The following COL7A1 variants were observed in gnomAD, a reference collection of about 807,000 sequenced individuals.
COL7A1 encodes the protein collagen type VII alpha 1 chain.
COL7A1 carries 296 observed loss-of-function variants against 456.2 expected under a neutral mutation model. The ratio of observed to expected loss-of-function variants is 0.65; its 90% CI spans 0.59 to 0.71. COL7A1 has a LOEUF of 0.71. Among genes scored for constraint, COL7A1 ranks in the 30% least tolerant of loss-of-function variants. The pLI is 0.00. For missense variants in COL7A1, 3,441 were observed against 4,017.2 expected, an observed-to-expected ratio of 0.86 and a Z score of 3.88; for synonymous variants, 1,464 against 1,525.9, an observed-to-expected ratio of 0.96 and a Z score of 0.95.
rs2044465206 is a variant in COL7A1, at chr3:48,578,275, G to A, written c.5532+46C>T. 1 of 1,610,598 alleles carries A rather than the reference G, an allele frequency of 6.2e-7. No individual in the cohort carries two copies. The highest frequency in any genetic ancestry group is 2.2e-4 in the Middle Eastern group (1 of 4,450). On this transcript the variant is annotated intron_variant, in intron 65 of 118. Coordinates refer to ENST00000681320, the MANE Select transcript of COL7A1 (RefSeq NM_000094.4). This position sits in a 1 kb window ranked among gnomAD's most constrained non-coding sequence, Gnocchi z 4.7. ...CAGATCTTGGCTGTGTAGGTGTGCT[G>A]GCGTTTCTTGGCAGGTTTCGCCGCA...
Position 48,574,365 on chromosome 3 carries a change from A to G in COL7A1, c.6457-59T>C. The stretch of plus-strand genomic sequence containing the variant: ...AGTTCCAACTTCCCCTCCACCCACC[A>G]TCCCCCTAGACAGAGTCAGGACCCA... On this transcript the variant is annotated intron_variant, in intron 79 of 118. Transcript: ENST00000681320. This position sits in a 1 kb window ranked among gnomAD's most constrained non-coding sequence, Gnocchi z 5.0. The G allele has an allele frequency of 6.2e-7, 1 of 1,613,220 alleles. No individual in the cohort carries two copies. Among genetic ancestry groups the G allele is most frequent in the Non-Finnish European group, 8.5e-7 (1 of 1,179,330 alleles).
rs780868464 is a variant in COL7A1 at position 48,583,602 on chromosome 3, T to A, written c.4355A>T (p.Asp1452Val). 2.5e-6 allele frequency: 4 copies of A among 1,613,828 alleles called. No homozygotes were observed. In the East Asian group the frequency reaches 8.9e-5, roughly 36 times the overall value. ...GKKGEKGDSE[D>V]GAPGLPGQPG... ...TTGTCCTGGGAGGCCTGGAGCTCCA[T>A]CCTCAGAGTCACCCTGAAGGAGAAA... The change falls in exon 41 of 119, where the codon GAT (aspartate) becomes GTT (valine). Residue 1452 changes from aspartate (D) to valine (V), a missense_variant. By Grantham distance (152) the Asp-to-Val change is radical (BLOSUM62 -3). This residue lies in a region of COL7A1 where 2,084 missense variants were observed against 2,501.3 expected (regional missense o/e 0.83). Coordinates refer to ENST00000681320, the MANE Select transcript of COL7A1 (RefSeq NM_000094.4). This position sits in a 1 kb window ranked among gnomAD's most constrained non-coding sequence, Gnocchi z 5.1.
At position 48,586,927 on chromosome 3, in the gene COL7A1, G is replaced by C; in HGVS notation, c.3276+45C>G. 1 of 1,562,420 alleles carries C rather than the reference G, an allele frequency of 6.4e-7. No individual in the cohort carries two copies. The highest frequency in any genetic ancestry group is 8.7e-7 in the Non-Finnish European group (1 of 1,153,206). On this transcript the variant is annotated intron_variant, in intron 25 of 118. Transcript: ENST00000681320. The surrounding 1 kb of genome is among the most constrained non-coding windows in gnomAD (Gnocchi z 5.1). ...TGGTAACTGGTATGGAGCCTGGGTG[G>C]GGGGCCTCAGGGAGAGGTAGAATCT...
chr3:48,592,444 T>C lies in COL7A1; in HGVS notation c.1000A>G (p.Thr334Ala). Residue 334 changes from threonine (T) to alanine (A), a missense_variant, in exon 9 of 119, where the codon ACC (threonine) becomes GCC (alanine). Thr to Ala is a moderately conservative substitution (Grantham distance 58). Around this residue, in one of 3 missense-constraint regions of COL7A1, gnomAD observed 913 missense variants for 1,088.2 expected, o/e 0.84. Coordinates refer to ENST00000681320, the MANE Select transcript of COL7A1 (RefSeq NM_000094.4). The surrounding 1 kb of genome is among the most constrained non-coding windows in gnomAD (Gnocchi z 7.6). The part of the protein sequence containing the change: ...RTTALEGPEL[T>A]IQNTTAHSLL... Reference sequence around the variant, plus strand: ...CTGTGGGCTGTGGTATTCTGGATGGTCAGTTCCGGCCCTTCTAGGGCAGCT... The same window carrying C: ...CTGTGGGCTGTGGTATTCTGGATGGCCAGTTCCGGCCCTTCTAGGGCAGCT... The C allele has an allele frequency of 6.2e-7, 1 of 1,613,640 alleles. No homozygotes were observed. The highest frequency in any genetic ancestry group is 1.1e-5 in the South Asian group (1 of 91,060).
chr3:48,582,325 C>G lies in COL7A1; in HGVS notation c.4633G>C (p.Val1545Leu). Reference protein sequence around the residue: ...EPGRPGDPAVVGPAVAGPKGE... With the variant: ...EPGRPGDPAVLGPAVAGPKGE... Reference sequence around the variant, plus strand: ...AGCGCCATCCTCCCGTCACTCACCACCACTGCAGGGTCCCCAGGGCGACCA... The same window carrying G: ...AGCGCCATCCTCCCGTCACTCACCAGCACTGCAGGGTCCCCAGGGCGACCA... The change falls in exon 47 of 119, where the codon GTG becomes CTG. Residue 1545 changes from valine to leucine, a missense_variant and splice_region_variant. Physicochemically the swap from Val to Leu is conservative, Grantham distance 32. Around this residue, in one of 3 missense-constraint regions of COL7A1, gnomAD observed 2,084 missense variants for 2,501.3 expected, o/e 0.83. Transcript: ENST00000681320. The G allele has an allele frequency of 6.2e-7, 1 of 1,614,026 alleles. No homozygotes were observed. Among genetic ancestry groups the G allele is most frequent in the Non-Finnish European group, 8.5e-7 (1 of 1,179,996 alleles).
In COL7A1 at chr3:48,572,976, C is replaced by T. The variant is rs201437522; in HGVS notation, c.6751-34G>A. ...GAAGAGCTCTGTCAGGGCTGCCTGT[C>T]GACCCTTGACCCCTGGAGCCCAACC... On this transcript the variant is annotated intron_variant, in intron 86 of 118. Transcript: ENST00000681320. This position sits in a 1 kb window ranked among gnomAD's most constrained non-coding sequence, Gnocchi z 4.6. The T allele has an allele frequency of 8.1e-6, 13 of 1,614,012 alleles. No individual in the cohort carries two copies. The highest frequency in any genetic ancestry group is 4.0e-5 in the African/African-American group (3 of 75,022).
In COL7A1 at chr3:48,579,938, T is replaced by C; in HGVS notation, c.5124+93A>G. ...GGTTTCAGAGGGACAGTGGGGGAAG[T>C]GGGAGTTAGTGGAAGGAATGAGGGG... On this transcript the variant is annotated intron_variant, in intron 57 of 118. Transcript: ENST00000681320. The surrounding 1 kb of genome is among the most constrained non-coding windows in gnomAD (Gnocchi z 4.4). The C allele has an allele frequency of 6.2e-7, 1 of 1,604,042 alleles. No individual in the cohort carries two copies. Among genetic ancestry groups the C allele is most frequent in the Admixed American group, 1.7e-5 (1 of 59,912 alleles).
chr3:48,589,147 G>A (rs2045511252), intron 18 of COL7A1, 152 bp from the exon 19 acceptor site: 1 of 1,476,128 alleles, frequency 6.8e-7, no homozygotes. Context: ...GTGCCTTGGG[G>A]TGGGCAGTGT....
At position 48,582,253 on chromosome 3, in the gene COL7A1, T is replaced by G; in HGVS notation, c.4635+70A>C. 1.9e-6 allele frequency: 3 copies of G among 1,611,054 alleles called. No homozygotes were observed. In the East Asian group the frequency reaches 6.7e-5, roughly 36 times the overall value. On this transcript the variant is annotated intron_variant, in intron 47 of 118. Transcript: ENST00000681320. The stretch of plus-strand genomic sequence containing the variant: ...CAGCACTGTGGAATCACAGCCCAGA[T>G]AGTGTTCTATAGGAGGGTCACTGCT...
chr3:48,594,260 C>A lies in COL7A1; in HGVS notation c.266+108G>T. ...TAGGGGGTCTCTAGGTTCCCCAAAA[C>A]TTGTTTCTGCAAAGACCTGGCCTGG... is the stretch of plus-strand genomic sequence containing the variant. On this transcript the variant is annotated intron_variant, in intron 3 of 118. Coordinates refer to ENST00000681320, the MANE Select transcript of COL7A1 (RefSeq NM_000094.4). This position sits in a 1 kb window ranked among gnomAD's most constrained non-coding sequence, Gnocchi z 5.5. The A allele has an allele frequency of 7.3e-7, 1 of 1,365,838 alleles. No individual in the cohort carries two copies. The highest frequency in any genetic ancestry group is 1.0e-6 in the Non-Finnish European group (1 of 985,618). 84.6% of individuals were successfully genotyped at this position (1,365,838 alleles called of 1,614,324 possible). A position where few individuals can be genotyped will look rare whatever the true frequency, so the allele number is the denominator to read the frequency against.
Position 48,573,048 on chromosome 3 carries a change from C to T in COL7A1, c.6723G>A (p.Gln2241=), listed in dbSNP as rs775756645. 48 of 1,614,154 alleles carry T rather than the reference C, an allele frequency of 3.0e-5. No individual in the cohort carries two copies. The highest frequency in any genetic ancestry group is 3.3e-4 in the Middle Eastern group (2 of 6,062). ...CTTGTCCAGGCAAACCTGGAGACCC[C>T]TGTGGACCCTGACGGAGAACAAGTC... The part of the protein sequence containing the change: ...PPGPSGLVGP[Q]GSPGLPGQVG... Residue 2241 remains glutamine (Q), a synonymous_variant, in exon 86 of 119, where the codon CAG becomes CAA. Transcript: ENST00000681320. This position sits in a 1 kb window ranked among gnomAD's most constrained non-coding sequence, Gnocchi z 5.5.
rs1375180762 is a variant in COL7A1, at chr3:48,583,785, G to A, written c.4279-5C>T. ...TCCAGGGCTTCCGGGAAGACCCTAGGAAGAAGTGAGTAAAAATATGAGCCA... is the reference window on the plus strand; with the variant it reads ...TCCAGGGCTTCCGGGAAGACCCTAGAAAGAAGTGAGTAAAAATATGAGCCA... On this transcript the variant is annotated splice_polypyrimidine_tract_variant and splice_region_variant and intron_variant, in intron 39 of 118. Transcript: ENST00000681320. This position sits in a 1 kb window ranked among gnomAD's most constrained non-coding sequence, Gnocchi z 5.1. 5.0e-6 allele frequency: 8 copies of A among 1,613,708 alleles called. No homozygotes were observed. The African/African-American group carries it at 9.3e-5, about 19-fold the overall frequency.
In COL7A1 at chr3:48,574,561, A is replaced by G; in HGVS notation, c.6394-11T>C. 6.2e-7 allele frequency: 1 copy of G among 1,613,848 alleles called. No individual in the cohort carries two copies. Among genetic ancestry groups the G allele is most frequent in the Non-Finnish European group, 8.5e-7 (1 of 1,180,008 alleles). On this transcript the variant is annotated splice_polypyrimidine_tract_variant and intron_variant, in intron 78 of 118. Coordinates refer to ENST00000681320, the MANE Select transcript of COL7A1 (RefSeq NM_000094.4). This position sits in a 1 kb window ranked among gnomAD's most constrained non-coding sequence, Gnocchi z 5.0. ...GATGCCTGGCACACCCTGAAGGCAG[A>G]GTGTCGTGCCCTGAGCCCCCAGTCC...
rs765472686 is a variant in COL7A1 at position 48,573,064 on chromosome 3, A to G, written c.6715-8T>C. ...TGGAGACCCCTGTGGACCCTGACGGAGAACAAGTCGGATGTCAGGGTGACA... is the reference window on the plus strand; with the variant it reads ...TGGAGACCCCTGTGGACCCTGACGGGGAACAAGTCGGATGTCAGGGTGACA... On this transcript the variant is annotated splice_polypyrimidine_tract_variant and splice_region_variant and intron_variant, in intron 85 of 118. Coordinates refer to ENST00000681320, the MANE Select transcript of COL7A1 (RefSeq NM_000094.4). This position sits in a 1 kb window ranked among gnomAD's most constrained non-coding sequence, Gnocchi z 5.5. 1 of 1,614,156 alleles carries G rather than the reference A, an allele frequency of 6.2e-7. No individual in the cohort carries two copies. Among genetic ancestry groups the G allele is most frequent in the East Asian group, 2.2e-5 (1 of 44,874 alleles).
rs539187193 is a variant in COL7A1 at position 48,587,950 on chromosome 3, C to T, written c.2711-11G>A. On this transcript the variant is annotated splice_polypyrimidine_tract_variant and intron_variant, in intron 21 of 118. Transcript: ENST00000681320. The surrounding 1 kb of genome is among the most constrained non-coding windows in gnomAD (Gnocchi z 6.1). ...ACTGTTCCTGGCCACCTGGGGCAGG[C>T]GTGAGGGTGGGGGCCAAGAGCATGT... is the stretch of plus-strand genomic sequence containing the variant. 27 of 1,579,446 alleles carry T rather than the reference C, an allele frequency of 1.7e-5. No homozygotes were observed. Among genetic ancestry groups the T allele is most frequent in the African/African-American group, 4.1e-5 (3 of 74,026 alleles).
At position 48,586,847 on chromosome 3, in the gene COL7A1, C is replaced by T; in HGVS notation, c.3276+125G>A. 3 of 1,520,792 alleles carry T rather than the reference C, an allele frequency of 2.0e-6. No individual in the cohort carries two copies. Among genetic ancestry groups the T allele is most frequent in the Non-Finnish European group, 2.7e-6 (3 of 1,122,764 alleles). The allele number at this position is 1,520,792 out of a possible 1,614,324, so 94.2% of individuals were successfully genotyped here. ...TAGGGAGCCAGGCAGTAGGTGAGGT[C>T]TGGAGCCTGTGAGAGAGCTGGGAGA... On this transcript the variant is annotated intron_variant, in intron 25 of 118. Transcript: ENST00000681320. The surrounding 1 kb of genome is among the most constrained non-coding windows in gnomAD (Gnocchi z 5.1).
Position 48,572,653 on chromosome 3 carries a change from G to T in COL7A1, c.6900+18C>A. On this transcript the variant is annotated intron_variant, in intron 88 of 118. Coordinates refer to ENST00000681320, the MANE Select transcript of COL7A1 (RefSeq NM_000094.4). The surrounding 1 kb of genome is among the most constrained non-coding windows in gnomAD (Gnocchi z 4.6). ...AGAGGAGTTGCTGCAGGGGGTGGAA[G>T]TCAGGGTCAAAGATCACCTGTCCAG... 1 of 1,603,714 alleles carries T rather than the reference G, an allele frequency of 6.2e-7. No individual in the cohort carries two copies. Among genetic ancestry groups the T allele is most frequent in the Non-Finnish European group, 8.5e-7 (1 of 1,175,110 alleles).
At position 48,570,667 on chromosome 3, in the gene COL7A1, A is replaced by AGGGGTCCTGGGATT; in HGVS notation, c.7302_7315dup (p.Leu2439GlnfsTer32). The AGGGGTCCTGGGATT allele has an allele frequency of 6.3e-7, 1 of 1,595,192 alleles. No individual in the cohort carries two copies. The highest frequency in any genetic ancestry group is 8.5e-7 in the Non-Finnish European group (1 of 1,170,090). On this transcript the variant is annotated frameshift_variant, in exon 96 of 119. Transcript: ENST00000681320. LOFTEE classifies it high-confidence loss of function. This position sits in a 1 kb window ranked among gnomAD's most constrained non-coding sequence, Gnocchi z 5.5. ...TGACCCCGGTGGTCCAGGTGGCCCC[A>AGGGGTCCTGGGATT]GGGGTCCTGGGATTCCTTCTCTCCC...
At position 48,592,048 on chromosome 3, in the gene COL7A1, G is replaced by A. The variant is rs369331106; in HGVS notation, c.1241-34C>T. On this transcript the variant is annotated intron_variant, in intron 10 of 118. Coordinates refer to ENST00000681320, the MANE Select transcript of COL7A1 (RefSeq NM_000094.4). This position sits in a 1 kb window ranked among gnomAD's most constrained non-coding sequence, Gnocchi z 7.6. ...GGCACATGGGATGTCAGTGGCCTCCGGGCCTTGCCCTGCCTGCCCGTCCCA... is the reference window on the plus strand; with the variant it reads ...GGCACATGGGATGTCAGTGGCCTCCAGGCCTTGCCCTGCCTGCCCGTCCCA... 231 of 1,613,966 alleles carry A rather than the reference G, an allele frequency of 1.4e-4. No individual in the cohort carries two copies. Among genetic ancestry groups the A allele is most frequent in the African/African-American group, 2.0e-4 (15 of 74,914 alleles).
Sources: gnomAD v4.1 joint callset for allele counts on GRCh38, gnomAD v4.1.1 for gene constraint, gnomAD v4.1.1 regional missense constraint, Gnocchi (gnomAD v3.1) non-coding constraint, MANE v1.5 for transcripts, NCBI Gene and HGNC (gene_info 2026-07-23, HGNC 2026-07-21) for gene names.